The following TAAR1 variants were observed in gnomAD, a reference collection of about 807,000 sequenced individuals.
The protein encoded by TAAR1 is trace amine associated receptor 1, also known as trace amine-associated receptor 1.
Under a neutral mutation model 1.2 loss-of-function variants are expected in TAAR1, and 1 was observed. The ratio of observed to expected loss-of-function variants is 0.81; its 90% confidence interval spans 0.29 to 3.86. The LOEUF is 3.86. TAAR1 is among the 30% of genes most tolerant of loss of function. The probability of loss-of-function intolerance (pLI) is 0.18; values close to 1 mark genes in which losing one functional copy is unlikely to be tolerated. For missense variants in TAAR1, 445 were observed against 405.6 expected, an observed-to-expected ratio of 1.10 and a Z score of -0.83; for synonymous variants, 153 against 132.2, an observed-to-expected ratio of 1.16 and a Z score of -1.08.
At position 132,645,468 on chromosome 6, in the gene TAAR1, C is replaced by G; in HGVS notation, c.536G>C (p.Arg179Thr). 1 of 1,613,804 alleles carries G rather than the reference C, an allele frequency of 6.2e-7. No homozygotes were observed. The change falls in exon 2 of 2, where the codon AGA (arginine) becomes ACA (threonine). Residue 179 changes from arginine to threonine, a missense_variant. Arg to Thr is a moderately conservative substitution (Grantham distance 71). Coordinates refer to ENST00000275216, the MANE Select transcript of TAAR1 (RefSeq NM_138327.4). ...GCTAAAGAAGACAGAGCAACCTCCT[C>G]TGCAGTGAACATGTTTGTAATATAT... ...EEIYYKHVHCRGGCSVFFSKI... is the reference protein window; with the variant it reads ...EEIYYKHVHCTGGCSVFFSKI...
intron 1 of TAAR1, among the ~76,000 whole-genome samples, chr6:132,651,207 GTTC>G (rs1213348249): frequency 1.3e-5 from 2 of 152,144 alleles, no homozygotes; most frequent in African/African-American, 4.8e-5. Flanking sequence ...GGCTGTTACG[GTTC>G]TTCTTCATCT....
intron 1 of TAAR1, among the ~76,000 whole-genome samples, chr6:132,649,097 C>A (rs113482852): frequency 0.011 from 1,638 of 152,236 alleles, 35 homozygotes; most frequent in African/African-American, 0.036. Context: ...ATTAACCACC[C>A]ATTCCTAATT....
At chr6:132,655,175 G>A (rs1445969093) in intron 1 of TAAR1, among the ~76,000 whole-genome samples, 1 of 152,098 alleles carries the variant, frequency 6.6e-6, no homozygotes, top group South Asian at 2.1e-4. Flanking sequence ...ATAAAATTTA[G>A]TAGAAACACA....
intron 1 of TAAR1, among the ~76,000 whole-genome samples, chr6:132,656,063 C>T (rs1777801577): frequency 6.6e-6 from 1 of 152,118 alleles, no homozygotes; most frequent in Non-Finnish European, 1.5e-5. Flanking sequence ...CTTTAGTGCT[C>T]AGCTGTTTGG....
chr6:132,655,376 C>A (rs867154792), intron 1 of TAAR1, among the ~76,000 whole-genome samples: 2 of 133,374 alleles, frequency 1.5e-5, no homozygotes, highest in East Asian at 2.5e-4. Context: ...TTCATTCATT[C>A]TTTTTTTTTT....
Position 132,644,867 on chromosome 6 carries a change from TTTGACTCAAGTAAC to T in TAAR1, c.*103_*116del. 1 of 821,490 alleles carries T rather than the reference TTTGACTCAAGTAAC, an allele frequency of 1.2e-6. No homozygotes were observed. Among genetic ancestry groups the T allele is most frequent in the Non-Finnish European group, 1.9e-6 (1 of 538,768 alleles). 50.9% of individuals were successfully genotyped at this position (821,490 alleles called of 1,614,324 possible). On this transcript the variant is annotated 3_prime_UTR_variant, in exon 2 of 2. Transcript: ENST00000275216. ...TCATAATTTAACTCACCATACATAC[TTTGACTCAAGTAAC>T]TGATTTAAAAAAAAATCCATGTGGT...
chr6:132,650,817 C>G (rs1777741087), intron 1 of TAAR1, among the ~76,000 whole-genome samples: 1 of 152,200 alleles, frequency 6.6e-6, no homozygotes, highest in African/African-American at 2.4e-5. Flanking sequence ...CCTGCATCTT[C>G]AGTGGTTCTC....
intron 1 of TAAR1, among the ~76,000 whole-genome samples, chr6:132,651,255 C>A (rs1392431013): frequency 6.6e-6 from 1 of 152,176 alleles, no homozygotes; most frequent in Non-Finnish European, 1.5e-5. Flanking sequence ...AGTTCCCTTT[C>A]CTATTCATAA....
rs1777641838 is a variant in TAAR1, at chr6:132,644,887, T to A, written c.*97A>T. ...CATACTTTGACTCAAGTAACTGATTTAAAAAAAAATCCATGTGGTTGGTGC... is the reference window on the plus strand; with the variant it reads ...CATACTTTGACTCAAGTAACTGATTAAAAAAAAAATCCATGTGGTTGGTGC... On this transcript the variant is annotated 3_prime_UTR_variant, in exon 2 of 2. Coordinates refer to ENST00000275216, the MANE Select transcript of TAAR1 (RefSeq NM_138327.4). The A allele has an allele frequency of 2.0e-5, 20 of 1,012,102 alleles. No individual in the cohort carries two copies. The highest frequency in any genetic ancestry group is 2.8e-5 in the East Asian group (1 of 36,234). 62.7% of individuals were successfully genotyped at this position (1,012,102 alleles called of 1,614,324 possible).
At chr6:132,658,702 T>TA (rs920392712) in intron 1 of TAAR1, among the ~76,000 whole-genome samples, 79 of 152,184 alleles carry the variant, frequency 5.2e-4, no homozygotes, top group Non-Finnish European at 9.7e-4. Context: ...TTGTAAAACC[T>TA]AAAAAAATCT....
In TAAR1 at chr6:132,645,145, C is replaced by T; in HGVS notation, c.859G>A (p.Asp287Asn). 1 of 1,612,910 alleles carries T rather than the reference C, an allele frequency of 6.2e-7. No homozygotes were observed. The highest frequency in any genetic ancestry group is 8.5e-7 in the Non-Finnish European group (1 of 1,179,530). The stretch of plus-strand genomic sequence containing the variant: ...AAGTAGCCAAACCAAATCAATACAT[C>T]ATTCAAAGTAGGTGGAATAATGTAG... ...LHYIIPPTLN[D>N]VLIWFGYLNS... The change falls in exon 2 of 2, where the codon GAT becomes AAT. Residue 287 changes from aspartate to asparagine, a missense_variant. Coordinates refer to ENST00000275216, the MANE Select transcript of TAAR1 (RefSeq NM_138327.4).
At chr6:132,655,608 A>C (rs1777797634) in intron 1 of TAAR1, among the ~76,000 whole-genome samples, 1 of 152,106 alleles carries the variant, frequency 6.6e-6, no homozygotes, top group Non-Finnish European at 1.5e-5. Context: ...CTTGGCCTCC[A>C]AAAGCATTAG....
At position 132,644,589 on chromosome 6, in the gene TAAR1, A is replaced by G. The variant is rs1777638343; in HGVS notation, c.*395T>C. Among the ~76,000 whole-genome samples the G allele has an allele frequency of 6.6e-6, 1 of 152,072 alleles. No individual in the cohort carries two copies. Among genetic ancestry groups the G allele is most frequent in the Non-Finnish European group, 1.5e-5 (1 of 67,970 alleles). Reference sequence around the variant, plus strand: ...TGATTTTACTAAAAGACTTATACACATATGTGACCAGGACATGTATACGTA... The same window carrying G: ...TGATTTTACTAAAAGACTTATACACGTATGTGACCAGGACATGTATACGTA... On this transcript the variant is annotated 3_prime_UTR_variant, in exon 2 of 2. Transcript: ENST00000275216.
chr6:132,646,273 T>A (rs2114273136), intron 1 of TAAR1, among the ~76,000 whole-genome samples, 144 bp from the exon 2 acceptor site: 1 of 152,306 alleles, frequency 6.6e-6, no homozygotes, highest in Middle Eastern at 3.4e-3. Context: ...AGTACAGCAA[T>A]TTTTAAAAAA....
intron 1 of TAAR1, among the ~76,000 whole-genome samples, 27 bp downstream of exon 1, chr6:132,659,103 T>A (rs904059600): frequency 5.3e-5 from 8 of 152,192 alleles, no homozygotes; most frequent in African/African-American, 1.9e-4. Context: ...AGGATTTGGT[T>A]TGGCTGTTCA....
At chr6:132,654,277 G>A (rs1386313148) in intron 1 of TAAR1, among the ~76,000 whole-genome samples, 3 of 152,218 alleles carry the variant, frequency 2.0e-5, no homozygotes, top group Non-Finnish European at 4.4e-5. Flanking sequence ...CTGGATGAGA[G>A]TGCTGTTGGC....
chr6:132,646,113 A>T lies in TAAR1; in HGVS notation c.-110T>A. ...TCTCATGTTTATTTTTTATTTGCAC[A>T]TACTTATCCCAGAAACCTAGGAGGA... On this transcript the variant is annotated 5_prime_UTR_variant, in exon 2 of 2. An upstream start codon of the reference 5' UTR is lost. Coordinates refer to ENST00000275216, the MANE Select transcript of TAAR1 (RefSeq NM_138327.4). 1 of 1,242,612 alleles carries T rather than the reference A, an allele frequency of 8.0e-7. No individual in the cohort carries two copies. The highest frequency in any genetic ancestry group is 1.1e-6 in the Non-Finnish European group (1 of 900,386). 77.0% of individuals were successfully genotyped at this position (1,242,612 alleles called of 1,614,324 possible).
At chr6:132,649,424 C>T (rs1777723712) in intron 1 of TAAR1, among the ~76,000 whole-genome samples, 1 of 152,074 alleles carries the variant, frequency 6.6e-6, no homozygotes, top group African/African-American at 2.4e-5. Context: ...GAAGATCTTT[C>T]CACCCTAACC....
intron 1 of TAAR1, among the ~76,000 whole-genome samples, chr6:132,647,285 T>A (rs962505996): frequency 6.6e-6 from 1 of 151,836 alleles, no homozygotes; most frequent in South Asian, 2.1e-4. Flanking sequence ...AGTTTGAAAC[T>A]GTCCCTTTTG....
Sources: allele counts gnomAD v4.1 joint callset (sites outside exome capture counted in the v4.1 genomes callset), GRCh38; gene constraint gnomAD v4.1.1; transcripts MANE v1.5; gene names NCBI Gene and HGNC (gene_info 2026-07-23, HGNC 2026-07-21).